The following SESN1 variants were observed in gnomAD, a reference collection of about 807,000 sequenced individuals.
SESN1 encodes sestrin-1.
A neutral mutation model predicts 59.3 loss-of-function variants in SESN1; 30 were observed. The observed-to-expected ratio is 0.51, with a 90% CI of 0.38 to 0.69. SESN1 has a LOEUF of 0.69. SESN1 is among the 30% of genes least tolerant of loss of function. The pLI, the probability that SESN1 is intolerant of heterozygous loss-of-function variation, is 0.00. For missense variants in SESN1, 566 were observed against 673.0 expected, an observed-to-expected ratio of 0.84 and a Z score of 1.76; for synonymous variants, 197 against 219.9, an observed-to-expected ratio of 0.90 and a Z score of 0.92.
At position 109,087,100 on chromosome 6, in the gene SESN1, C is replaced by T. The variant is rs377523054; in HGVS notation, c.279+6695G>A. Among the ~76,000 whole-genome samples, 10 of 152,282 alleles carry T rather than the reference C, an allele frequency of 6.6e-5. 1 individual carries two copies. In the East Asian group the frequency reaches 1.7e-3, roughly 26 times the overall value. The stretch of plus-strand genomic sequence containing the variant: ...GAGCCAAGATCGTGCCACTGCACTA[C>T]AGCCTGGGCGACAGAGCAAGACAGC... On this transcript the variant is annotated intron_variant, in intron 1 of 9. Coordinates refer to ENST00000436639, the MANE Select transcript of SESN1 (RefSeq NM_014454.3).
intron 1 of SESN1, among the ~76,000 whole-genome samples, chr6:109,025,867 G>T (rs1280008733): frequency 6.7e-6 from 1 of 150,238 alleles, no homozygotes; most frequent in Non-Finnish European, 1.5e-5. Flanking sequence ...ATTGGAAGGA[G>T]AAAACAGAAA....
chr6:109,017,105 C>T (rs1335319772), intron 1 of SESN1, among the ~76,000 whole-genome samples: 4 of 152,018 alleles, frequency 2.6e-5, no homozygotes, highest in Non-Finnish European at 2.9e-5. Flanking sequence ...AGGTGAATTT[C>T]GTCTATAATT....
chr6:109,090,434 A>G (rs1000167234), intron 1 of SESN1, among the ~76,000 whole-genome samples: 3 of 152,212 alleles, frequency 2.0e-5, no homozygotes, highest in African/African-American at 7.2e-5. Flanking sequence ...CTTAGCCAAC[A>G]ATAGCCTACT....
chr6:109,094,769 G>A lies in SESN1; in HGVS notation c.-696C>T, dbSNP rs979613211. 6.6e-6 allele frequency: 1 copy of A among 152,232 alleles called. No homozygotes were observed. The highest frequency in any genetic ancestry group is 1.5e-5 in the Non-Finnish European group (1 of 68,062). The allele number at this position is 152,232 out of a possible 1,614,324, so 9.4% of individuals were successfully genotyped here. ...AAGACGCTACTTCTCCGATCCCTGA[G>A]CCCTCGCCCACCACCGCCGAGCCAG... On this transcript the variant is annotated 5_prime_UTR_variant, in exon 1 of 10. Coordinates refer to ENST00000436639, the MANE Select transcript of SESN1 (RefSeq NM_014454.3).
intron 5 of SESN1, among the ~76,000 whole-genome samples, chr6:108,996,657 T>C (rs1779507570): frequency 6.6e-6 from 1 of 152,176 alleles, no homozygotes; most frequent in Admixed American, 6.5e-5. Context: ...TGGCATTTCA[T>C]TTTAATATTA....
At chr6:109,037,621 G>C (rs1780269293) in intron 1 of SESN1, among the ~76,000 whole-genome samples, 1 of 152,132 alleles carries the variant, frequency 6.6e-6, no homozygotes, top group Non-Finnish European at 1.5e-5. Flanking sequence ...TAATTCTATA[G>C]ATGAAGAAAT....
chr6:109,000,705 T>C lies in SESN1; in HGVS notation c.547-32A>G, dbSNP rs1230402535. 17 of 1,461,146 alleles carry C rather than the reference T, an allele frequency of 1.2e-5. No homozygotes were observed. In the East Asian group the frequency reaches 3.0e-4, roughly 26 times the overall value. 90.5% of individuals were successfully genotyped at this position (1,461,146 alleles called of 1,614,324 possible). ...ACAAAAAGATTATTCTAATTATAAA[T>C]ATTAAAACCTTGAACTACATATCCT... On this transcript the variant is annotated intron_variant, in intron 3 of 9. Transcript: ENST00000436639.
At chr6:109,012,067 C>T (rs1193569673) in intron 1 of SESN1, among the ~76,000 whole-genome samples, 4 of 152,188 alleles carry the variant, frequency 2.6e-5, no homozygotes, top group Admixed American at 2.6e-4. Context: ...CTGCTCCTCT[C>T]AACCTCTAGG....
At chr6:109,085,040 A>G (rs1781189568) in intron 1 of SESN1, among the ~76,000 whole-genome samples, 1 of 148,620 alleles carries the variant, frequency 6.7e-6, no homozygotes, top group South Asian at 2.2e-4. Flanking sequence ...AAAAACAAGC[A>G]TCTTTTAAAG....
chr6:109,017,527 C>T (rs1307256020), intron 1 of SESN1, among the ~76,000 whole-genome samples: 4 of 152,106 alleles, frequency 2.6e-5, no homozygotes, highest in Admixed American at 6.5e-5. Context: ...CCTCGTGATC[C>T]GCCTGCCTTG....
At chr6:109,073,155 TG>T (rs1259366285) in intron 1 of SESN1, among the ~76,000 whole-genome samples, 1 of 152,156 alleles carries the variant, frequency 6.6e-6, no homozygotes, top group African/African-American at 2.4e-5. Context: ...AACCTCTTTG[TG>T]TCTCAGCCTC....
chr6:109,086,075 T>C (rs1186566467), intron 1 of SESN1, among the ~76,000 whole-genome samples: 1 of 152,170 alleles, frequency 6.6e-6, no homozygotes, highest in Non-Finnish European at 1.5e-5. Context: ...AATCCTGTAT[T>C]AGGCCGGGCA....
chr6:109,082,495 A>C (rs1057167981), intron 1 of SESN1, among the ~76,000 whole-genome samples: 2 of 152,130 alleles, frequency 1.3e-5, no homozygotes, highest in Non-Finnish European at 2.9e-5. Context: ...CATGGTCTTG[A>C]CCATTATCCT....
intron 1 of SESN1, among the ~76,000 whole-genome samples, chr6:109,054,895 T>C (rs1780603825): frequency 2.0e-5 from 3 of 152,246 alleles, no homozygotes; most frequent in Admixed American, 6.5e-5. Flanking sequence ...TTTCTTCCCT[T>C]GCTTTTACGC....
intron 1 of SESN1, among the ~76,000 whole-genome samples, chr6:109,013,003 C>T (rs1779884789): frequency 6.6e-6 from 1 of 151,758 alleles, no homozygotes; most frequent in African/African-American, 2.4e-5. Flanking sequence ...GTAGTCCCAG[C>T]TACTCTGGAG....
intron 1 of SESN1, among the ~76,000 whole-genome samples, chr6:109,069,353 A>AATAT (rs1236316508): frequency 6.6e-6 from 1 of 152,180 alleles, no homozygotes; most frequent in African/African-American, 2.4e-5. Flanking sequence ...ATGCTAAAAG[A>AATAT]ATAAGAATGA....
At chr6:108,989,678 T>C (rs929504959) in intron 8 of SESN1, among the ~76,000 whole-genome samples, 1 of 152,080 alleles carries the variant, frequency 6.6e-6, no homozygotes, top group Non-Finnish European at 1.5e-5. Flanking sequence ...ACTTTACTCA[T>C]GTTTCTAGGA....
chr6:109,066,254 CA>C (rs1240513094), intron 1 of SESN1, among the ~76,000 whole-genome samples: 6 of 151,402 alleles, frequency 4.0e-5, no homozygotes, highest in African/African-American at 1.5e-4. Flanking sequence ...AGCTTCCTCA[CA>C]GGGGAAGAAG....
intron 1 of SESN1, among the ~76,000 whole-genome samples, chr6:109,009,181 G>C (rs1338784441): frequency 2.0e-5 from 3 of 152,234 alleles, no homozygotes; most frequent in African/African-American, 7.2e-5. Context: ...CCCCCGAGGG[G>C]CGCAGGAGGG....
Sources: gnomAD v4.1 joint callset for allele counts (sites outside exome capture counted in the v4.1 genomes callset) on GRCh38, gnomAD v4.1.1 for gene constraint, MANE v1.5 for transcripts, NCBI Gene and HGNC (gene_info 2026-07-23, HGNC 2026-07-21) for gene names.